Variants in SPRED1 observed in about 807,000 individuals in gnomAD.
SPRED1 encodes the protein sprouty related EVH1 domain containing 1, also known as sprouty-related, EVH1 domain-containing protein 1.
Under a neutral mutation model 52.3 loss-of-function variants are expected in SPRED1, and 18 were observed. That is an observed-to-expected ratio of 0.34 (90% CI 0.24 to 0.51). The LOEUF is 0.51. SPRED1 is among the 20% of genes least tolerant of loss of function. The probability of loss-of-function intolerance (pLI) is 0.97; values close to 1 mark genes in which losing one functional copy is unlikely to be tolerated. For synonymous variants in SPRED1, 155 were observed against 179.7 expected (o/e 0.86, Z 1.10); for missense variants, 485 against 551.0 (o/e 0.88, Z 1.20).
intron 1 of SPRED1, among the ~76,000 whole-genome samples, chr15:38,296,415 G>C (rs1247440274): frequency 6.6e-6 from 1 of 152,134 alleles, no homozygotes; most frequent in African/African-American, 2.4e-5. Context: ...ATAAAGTATA[G>C]CTTTAGAGTT....
chr15:38,288,045 A>C (rs1241045075), intron 1 of SPRED1, among the ~76,000 whole-genome samples: 1 of 152,162 alleles, frequency 6.6e-6, no homozygotes, highest in African/African-American at 2.4e-5. Context: ...TACACAACTG[A>C]GAAAAGTTCT....
intron 1 of SPRED1, among the ~76,000 whole-genome samples, chr15:38,285,211 T>A (rs1375424277): frequency 6.6e-6 from 1 of 152,176 alleles, no homozygotes; most frequent in African/African-American, 2.4e-5. Flanking sequence ...CAGCAGATAT[T>A]TTCAGTGCGT....
chr15:38,306,524 AC>A lies in SPRED1; in HGVS notation c.207+6980del, dbSNP rs796440931. On this transcript the variant is annotated intron_variant, in intron 2 of 6. Coordinates refer to ENST00000299084, the MANE Select transcript of SPRED1 (RefSeq NM_152594.3). Reference sequence around the variant, plus strand: ...CAGAATCCCATTCTTTTCATTATTAACCCATTGAAAAGGTAATAAATTATGC... The same window carrying A: ...CAGAATCCCATTCTTTTCATTATTAACCATTGAAAAGGTAATAAATTATGC... 6.6e-5 allele frequency among the ~76,000 whole-genome samples: 10 copies of A among 152,304 alleles called. 1 individual carries two copies. Among genetic ancestry groups the A allele is most frequent in the African/African-American group, 2.4e-4 (10 of 41,574 alleles).
intron 1 of SPRED1, chr15:38,268,269 T>G (rs1036057381): frequency 6.6e-6 from 1 of 152,224 alleles, no homozygotes; most frequent in East Asian, 1.9e-4. Context: ...GTATTATCTC[T>G]TATTTTCATG....
chr15:38,288,811 T>A (rs1303253412), intron 1 of SPRED1, among the ~76,000 whole-genome samples: 1 of 152,216 alleles, frequency 6.6e-6, no homozygotes, highest in Non-Finnish European at 1.5e-5. Context: ...TGCTTTTCTT[T>A]AGTACTCAAT....
chr15:38,290,323 T>G (rs949656073), intron 1 of SPRED1, among the ~76,000 whole-genome samples: 11 of 152,184 alleles, frequency 7.2e-5, no homozygotes, highest in African/African-American at 2.7e-4. Flanking sequence ...CAGGGGACAT[T>G]CGAAGTAGTT....
intron 1 of SPRED1, among the ~76,000 whole-genome samples, chr15:38,274,546 A>G (rs571371465): frequency 6.6e-6 from 1 of 152,362 alleles, no homozygotes; most frequent in Non-Finnish European, 1.5e-5. Flanking sequence ...CATATCCTTC[A>G]GGCAGCTTCC....
intron 2 of SPRED1, among the ~76,000 whole-genome samples, chr15:38,308,793 A>G (rs1050008800): frequency 5.9e-5 from 9 of 152,148 alleles, no homozygotes; most frequent in South Asian, 4.1e-4. Flanking sequence ...ATTCACATAC[A>G]TGTTTTTTCT....
chr15:38,277,591 G>A (rs1184024223), intron 1 of SPRED1, among the ~76,000 whole-genome samples: 1 of 152,198 alleles, frequency 6.6e-6, no homozygotes, highest in Non-Finnish European at 1.5e-5. Context: ...ACATGTGCAT[G>A]TGTCTTTATG....
chr15:38,289,652 A>G (rs1399028027), intron 1 of SPRED1, among the ~76,000 whole-genome samples: 2 of 152,210 alleles, frequency 1.3e-5, no homozygotes, highest in African/African-American at 4.8e-5. Flanking sequence ...TCAGAGAAAG[A>G]TATAACTACA....
chr15:38,296,648 A>C (rs1223875141), intron 1 of SPRED1, among the ~76,000 whole-genome samples: 1 of 152,176 alleles, frequency 6.6e-6, no homozygotes, highest in East Asian at 1.9e-4. Context: ...TCTCATCAGC[A>C]AGTTTCCTCT....
chr15:38,348,416 C>CTGTGTGTG lies in SPRED1; in HGVS notation c.583-990_583-983dup, dbSNP rs3075338. 4.4e-3 allele frequency among the ~76,000 whole-genome samples: 658 copies of CTGTGTGTG among 148,652 alleles called. 3 individuals carry two copies. The highest frequency in any genetic ancestry group is 0.015 in the African/African-American group (630 of 40,850). On this transcript the variant is annotated intron_variant, in intron 5 of 6. Transcript: ENST00000299084. Reference sequence around the variant, plus strand: ...GTACAAAGGGTCCTATTTTAAAGATCTGTGTGTGTGTGTGTGTGTGTGTCT... The same window carrying CTGTGTGTG: ...GTACAAAGGGTCCTATTTTAAAGATCTGTGTGTGTGTGTGTGTGTGTGTGTGTGTGTCT...
chr15:38,280,122 T>G (rs79829582), intron 1 of SPRED1, among the ~76,000 whole-genome samples: 1 of 152,334 alleles, frequency 6.6e-6, no homozygotes, highest in African/African-American at 2.4e-5. Context: ...CCCAGTGTCT[T>G]TAAAGGGAAA....
chr15:38,291,401 C>T (rs1894920787), intron 1 of SPRED1, among the ~76,000 whole-genome samples: 1 of 152,220 alleles, frequency 6.6e-6, no homozygotes, highest in South Asian at 2.1e-4. Flanking sequence ...ATTCTGGGGT[C>T]TGGTAAATGG....
At chr15:38,264,776 A>G (rs1407046552) in intron 1 of SPRED1, among the ~76,000 whole-genome samples, 1 of 152,086 alleles carries the variant, frequency 6.6e-6, no homozygotes, top group African/African-American at 2.4e-5. Flanking sequence ...AGAAAAGGGT[A>G]TTGGGGAAGA....
intron 2 of SPRED1, among the ~76,000 whole-genome samples, chr15:38,314,265 A>G (rs1895425657): frequency 6.6e-6 from 1 of 151,774 alleles, no homozygotes; most frequent in African/African-American, 2.4e-5. Flanking sequence ...TCATCTATCA[A>G]TTATTGAGAC....
intron 1 of SPRED1, among the ~76,000 whole-genome samples, chr15:38,284,410 G>T (rs1894759194): frequency 6.6e-6 from 1 of 152,086 alleles, no homozygotes; most frequent in Non-Finnish European, 1.5e-5. Context: ...TTGCCAGATT[G>T]CTGTATAAGA....
chr15:38,353,528 C>T lies in SPRED1; in HGVS notation c.*1864C>T, dbSNP rs1414239219. ...TGGATGAACTAAATCCAAAACATGA[C>T]ACTGTAGGCAGCAGTTTTAAGTCTT... is the stretch of plus-strand genomic sequence containing the variant. On this transcript the variant is annotated 3_prime_UTR_variant, in exon 7 of 7. Coordinates refer to ENST00000299084, the MANE Select transcript of SPRED1 (RefSeq NM_152594.3). The T allele has an allele frequency of 6.6e-6, 1 of 152,462 alleles. No individual in the cohort carries two copies. Among genetic ancestry groups the T allele is most frequent in the African/African-American group, 2.4e-5 (1 of 41,410 alleles). The allele number at this position is 152,462 out of a possible 1,614,324, so 9.4% of individuals were successfully genotyped here.
At chr15:38,289,495 G>C (rs1398710725) in intron 1 of SPRED1, among the ~76,000 whole-genome samples, 1 of 151,626 alleles carries the variant, frequency 6.6e-6, no homozygotes, top group East Asian at 1.9e-4. Context: ...CTAATCTCCA[G>C]AACCTGTGAG....
Sources: allele counts gnomAD v4.1 joint callset (sites outside exome capture counted in the v4.1 genomes callset), GRCh38; gene constraint gnomAD v4.1.1; transcripts MANE v1.5; gene names NCBI Gene and HGNC (gene_info 2026-07-23, HGNC 2026-07-21).